Variants in TRPM3 observed in about 807,000 individuals in gnomAD.
TRPM3 encodes long transient receptor potential channel 3.
A neutral mutation model predicts 181.2 loss-of-function variants in TRPM3; 77 were observed. That is an observed-to-expected ratio of 0.42 (90% CI 0.35 to 0.51). The LOEUF is 0.51. TRPM3 is among the 20% of genes least tolerant of loss of function. The pLI is 0.01. For synonymous variants in TRPM3, 745 were observed against 796.4 expected (o/e 0.94, Z 1.09); for missense variants, 1,759 against 2,196.7 (o/e 0.80, Z 3.98).
At chr9:70,651,224 C>T (rs1401482884) in intron 9 of TRPM3, among the ~76,000 whole-genome samples, 1 of 152,166 alleles carries the variant, frequency 6.6e-6, no homozygotes, top group Non-Finnish European at 1.5e-5. Context: ...ACTTAGACTT[C>T]TGACTACCCA....
intron 1 of TRPM3, among the ~76,000 whole-genome samples, chr9:71,031,972 T>TAATATA (rs1554806564): frequency 0.016 from 10 of 638 alleles, no homozygotes; most frequent in African/African-American, 0.023. Flanking sequence ...TATATATATA[T>TAATATA]TATATATATA....
intron 1 of TRPM3, among the ~76,000 whole-genome samples, chr9:70,985,406 A>G (rs2097408899): frequency 6.6e-6 from 1 of 152,276 alleles, no homozygotes; most frequent in East Asian, 1.9e-4. Flanking sequence ...GGCCAACAAA[A>G]TTCTAGAGAA....
chr9:70,584,677 T>C (rs770967255), intron 22 of TRPM3, among the ~76,000 whole-genome samples: 7 of 152,282 alleles, frequency 4.6e-5, no homozygotes, highest in African/African-American at 9.6e-5. Flanking sequence ...CTTTAGTCAA[T>C]GTAATTGCTT....
intron 9 of TRPM3, among the ~76,000 whole-genome samples, chr9:70,668,672 G>GAAAAA (rs57929544): frequency 7.6e-4 from 66 of 86,522 alleles, no homozygotes; most frequent in East Asian, 1.9e-3. Context: ...CTCAAAAAAA[G>GAAAAA]AAAAAAAAAA....
At chr9:70,640,865 A>G (rs566101784) in intron 9 of TRPM3, among the ~76,000 whole-genome samples, 25 of 152,206 alleles carry the variant, frequency 1.6e-4, no homozygotes, top group African/African-American at 5.8e-4. Context: ...ATTGTAGATT[A>G]TTATTATTAT....
intron 1 of TRPM3, among the ~76,000 whole-genome samples, chr9:71,317,192 T>A (rs1421052971): frequency 6.6e-6 from 1 of 152,132 alleles, no homozygotes; most frequent in Non-Finnish European, 1.5e-5. Context: ...AATGAACACC[T>A]TAAAAAGAGA....
chr9:70,585,559 C>T (rs2056947956), intron 22 of TRPM3, among the ~76,000 whole-genome samples: 1 of 152,206 alleles, frequency 6.6e-6, no homozygotes, highest in Non-Finnish European at 1.5e-5. Flanking sequence ...CCCAGATTCT[C>T]TATCTCAGTG....
chr9:71,388,483 C>A (rs903884165), intron 1 of TRPM3, among the ~76,000 whole-genome samples: 1 of 152,010 alleles, frequency 6.6e-6, no homozygotes, highest in East Asian at 1.9e-4. Flanking sequence ...TTATTTCAGC[C>A]TCAATGTAAG....
intron 1 of TRPM3, among the ~76,000 whole-genome samples, chr9:71,441,606 A>C (rs115699018): frequency 0.014 from 2,074 of 147,946 alleles, 55 homozygotes; most frequent in African/African-American, 0.049. Flanking sequence ...AGTTTTTCTG[A>C]CTTTAGTTTT....
At chr9:71,206,729 G>T (rs1459678045) in intron 1 of TRPM3, among the ~76,000 whole-genome samples, 7 of 151,822 alleles carry the variant, frequency 4.6e-5, no homozygotes, top group Admixed American at 3.9e-4. Flanking sequence ...GTCTTACATT[G>T]AAGCCTTTAA....
chr9:71,293,509 T>A (rs1452416592), intron 1 of TRPM3, among the ~76,000 whole-genome samples: 1 of 151,764 alleles, frequency 6.6e-6, no homozygotes, highest in Non-Finnish European at 1.5e-5. Flanking sequence ...ATAAATCTAA[T>A]ATTAAGATGT....
At chr9:70,803,370 A>T (rs1247993386) in intron 6 of TRPM3, among the ~76,000 whole-genome samples, 1 of 152,030 alleles carries the variant, frequency 6.6e-6, no homozygotes, top group African/African-American at 2.4e-5. Context: ...CCTCTTTGAC[A>T]TAAATATTTT....
At chr9:70,811,023 G>T in intron 6 of TRPM3, 1 of 667,360 alleles carries the variant, frequency 1.5e-6, no homozygotes, top group Non-Finnish European at 2.6e-6. Flanking sequence ...ACTAATTTCT[G>T]ATGTGGTTGA....
chr9:70,747,503 G>A (rs767436462), intron 8 of TRPM3, among the ~76,000 whole-genome samples: 29 of 152,228 alleles, frequency 1.9e-4, no homozygotes, highest in Middle Eastern at 3.4e-3. Flanking sequence ...TCTACTTTAC[G>A]TTCAAAAGAG....
At chr9:71,023,702 A>T (rs962666423) in intron 1 of TRPM3, among the ~76,000 whole-genome samples, 2 of 122,880 alleles carry the variant, frequency 1.6e-5, no homozygotes, top group East Asian at 4.9e-4. Context: ...GATGCTGAGT[A>T]AAAAAAAAAA....
chr9:70,580,466 C>A (rs2055341039), intron 22 of TRPM3, among the ~76,000 whole-genome samples: 1 of 152,144 alleles, frequency 6.6e-6, no homozygotes, highest in Non-Finnish European at 1.5e-5. Flanking sequence ...ATAAGGGATA[C>A]ACACAAGAAA....
intron 1 of TRPM3, among the ~76,000 whole-genome samples, chr9:71,405,106 C>T (rs1386491906): frequency 6.6e-6 from 1 of 152,190 alleles, no homozygotes; most frequent in African/African-American, 2.4e-5. Context: ...CACATTCCAA[C>T]ACCTTGTATA....
At chr9:71,039,704 A>G (rs963431499) in intron 1 of TRPM3, among the ~76,000 whole-genome samples, 1 of 152,180 alleles carries the variant, frequency 6.6e-6, no homozygotes, top group Admixed American at 6.5e-5. Context: ...AACATTGGAA[A>G]TAAAATGAAG....
intron 1 of TRPM3, among the ~76,000 whole-genome samples, chr9:70,997,640 G>A (rs541336447): frequency 3.9e-5 from 6 of 152,174 alleles, no homozygotes; most frequent in African/African-American, 1.2e-4. Context: ...CTTCTCCTAA[G>A]ATGGGAGACT....
Sources: gnomAD v4.1 joint callset for allele counts (sites outside exome capture counted in the v4.1 genomes callset) on GRCh38, gnomAD v4.1.1 for gene constraint, MANE v1.5 for transcripts, NCBI Gene and HGNC (gene_info 2026-07-23, HGNC 2026-07-21) for gene names.